SMOC2: variants seen among roughly 807,000 people sequenced by gnomAD.
SMOC2 encodes SPARC-related modular calcium-binding protein 2.
Under a neutral mutation model 61.4 loss-of-function variants are expected in SMOC2, and 39 were observed. That is an observed-to-expected ratio of 0.64 (90% confidence interval 0.49 to 0.83). The LOEUF (loss-of-function observed/expected upper bound fraction) is 0.83, where lower values mean the gene tolerates loss of function less well. SMOC2 is among the 40% of genes least tolerant of loss of function. SMOC2 has a pLI of 0.00. For synonymous variants in SMOC2, 247 were observed against 239.9 expected, an observed-to-expected ratio of 1.03 and a Z score of -0.27; for missense variants, 556 against 592.9, an observed-to-expected ratio of 0.94 and a Z score of 0.65.
intron 4 of SMOC2, among the ~76,000 whole-genome samples, chr6:168,531,624 C>T (rs1014700693): frequency 4.6e-5 from 7 of 152,146 alleles, no homozygotes; most frequent in Admixed American, 3.3e-4. Context: ...CTGGAGAGAG[C>T]GGGCTGGGCA....
chr6:168,646,039 T>A lies in SMOC2; in HGVS notation c.908-4642T>A, dbSNP rs1583184098. 2.0e-5 allele frequency among the ~76,000 whole-genome samples: 3 copies of A among 152,342 alleles called. No individual in the cohort carries two copies. The East Asian group carries it at 5.8e-4, about 29-fold the overall frequency. On this transcript the variant is annotated intron_variant, in intron 9 of 12. Transcript: ENST00000356284. ...TTGTCATCCATTCTTTTCTCCTCAT[T>A]TCTCATCTATACCAGTTTCCTAAAC... is the stretch of plus-strand genomic sequence containing the variant.
Position 168,655,403 on chromosome 6 carries a change from G to A in SMOC2, c.1285+2175G>A, listed in dbSNP as rs1463663101. The stretch of plus-strand genomic sequence containing the variant: ...CCTACCCAACCGTGACAGGAAGTAA[G>A]AGAAACCTGTGATGGCCAGAGCCCA... On this transcript the variant is annotated intron_variant, in intron 11 of 12. Coordinates refer to ENST00000356284, the MANE Select transcript of SMOC2 (RefSeq NM_001166412.2). The A allele has an allele frequency of 1.5e-5, 7 of 456,560 alleles. No individual in the cohort carries two copies. In the Admixed American group the frequency reaches 1.6e-4, roughly 11 times the overall value. 28.3% of individuals were successfully genotyped at this position (456,560 alleles called of 1,614,324 possible).
At chr6:168,502,422 C>T (rs1782751869) in intron 1 of SMOC2, among the ~76,000 whole-genome samples, 1 of 152,170 alleles carries the variant, frequency 6.6e-6, no homozygotes, top group Non-Finnish European at 1.5e-5. Context: ...GCCCGATGGC[C>T]CTCCATGCCC....
chr6:168,621,551 G>A (rs953734373), intron 9 of SMOC2, among the ~76,000 whole-genome samples: 2 of 152,188 alleles, frequency 1.3e-5, no homozygotes, highest in Admixed American at 1.3e-4. Flanking sequence ...CCAAGATGGG[G>A]TAATTTATAA....
chr6:168,524,855 G>A (rs1172578933), intron 2 of SMOC2, among the ~76,000 whole-genome samples: 1 of 152,254 alleles, frequency 6.6e-6, no homozygotes, highest in Non-Finnish European at 1.5e-5. Context: ...CGGTGGTTCT[G>A]CAAAAGCCAG....
chr6:168,604,415 T>C (rs578243991), intron 8 of SMOC2, among the ~76,000 whole-genome samples: 1 of 152,246 alleles, frequency 6.6e-6, no homozygotes, highest in South Asian at 2.1e-4. Flanking sequence ...AAATAATCAA[T>C]ATTAGGCAGT....
At position 168,526,832 on chromosome 6, in the gene SMOC2, C is replaced by T. The variant is rs112985959; in HGVS notation, c.363+380C>T. Among the ~76,000 whole-genome samples, 226 of 152,220 alleles carry T rather than the reference C, an allele frequency of 1.5e-3. 2 individuals are homozygous for T. The highest frequency in any genetic ancestry group is 0.01 in the Middle Eastern group (3 of 294). ...ATTATGGGGAGCACACACTAAAAGT[C>T]GTGTCTGTGCCAAGCGTGAGCTCCT... is the stretch of plus-strand genomic sequence containing the variant. On this transcript the variant is annotated intron_variant, in intron 3 of 12. Coordinates refer to ENST00000356284, the MANE Select transcript of SMOC2 (RefSeq NM_001166412.2).
At chr6:168,448,485 T>G (rs1562534559) in intron 1 of SMOC2, among the ~76,000 whole-genome samples, 1 of 102,964 alleles carries the variant, frequency 9.7e-6, no homozygotes, top group African/African-American at 3.8e-5. Flanking sequence ...AAGATGGGGA[T>G]GAGGAGGAGG....
intron 9 of SMOC2, among the ~76,000 whole-genome samples, chr6:168,639,062 A>T (rs950794758): frequency 2.0e-5 from 3 of 152,170 alleles, no homozygotes; most frequent in African/African-American, 7.2e-5. Context: ...AGACCATAGG[A>T]TTCCACAGGC....
chr6:168,456,104 G>C (rs1354474369), intron 1 of SMOC2, among the ~76,000 whole-genome samples: 1 of 152,244 alleles, frequency 6.6e-6, no homozygotes, highest in African/African-American at 2.4e-5. Flanking sequence ...TGCTGGGAAG[G>C]AGTCACTGCT....
intron 1 of SMOC2, among the ~76,000 whole-genome samples, chr6:168,442,378 C>T (rs1350300261): frequency 6.6e-6 from 1 of 152,258 alleles, no homozygotes; most frequent in African/African-American, 2.4e-5. Flanking sequence ...AGCCAAGCCC[C>T]CGCCGGCCAA....
chr6:168,558,442 ATTG>A (rs1286810532), intron 7 of SMOC2, among the ~76,000 whole-genome samples: 1 of 152,032 alleles, frequency 6.6e-6, no homozygotes, highest in Non-Finnish European at 1.5e-5. Context: ...CATCGAAGTT[ATTG>A]TTGCTGCTGC....
chr6:168,649,946 A>T (rs9346559), intron 9 of SMOC2, among the ~76,000 whole-genome samples: 47,769 of 152,030 alleles, frequency 0.31, 7,471 homozygotes, highest in East Asian at 0.43. Context: ...TTCAAATGTT[A>T]TCTTGAATTT....
At chr6:168,457,793 A>G (rs1328480836) in intron 1 of SMOC2, among the ~76,000 whole-genome samples, 1 of 152,120 alleles carries the variant, frequency 6.6e-6, no homozygotes, top group Non-Finnish European at 1.5e-5. Flanking sequence ...GAATTTTTCC[A>G]AGCCTGTTTT....
intron 4 of SMOC2, among the ~76,000 whole-genome samples, chr6:168,538,807 G>T (rs1024644021): frequency 6.7e-6 from 1 of 150,274 alleles, no homozygotes; most frequent in Non-Finnish European, 1.5e-5. Flanking sequence ...CTGGGGGAGT[G>T]GGGTGACCCC....
At chr6:168,477,523 G>A (rs1436610935) in intron 1 of SMOC2, among the ~76,000 whole-genome samples, 1 of 152,212 alleles carries the variant, frequency 6.6e-6, no homozygotes, top group Non-Finnish European at 1.5e-5. Context: ...GACAAGTACA[G>A]AGGAAAGTTC....
At chr6:168,605,023 A>G (rs564507024) in intron 8 of SMOC2, among the ~76,000 whole-genome samples, 1 of 152,272 alleles carries the variant, frequency 6.6e-6, no homozygotes, top group Non-Finnish European at 1.5e-5. Flanking sequence ...CATGAATGGT[A>G]GAGTCCAGGT....
chr6:168,486,264 A>G (rs1037343389), intron 1 of SMOC2, among the ~76,000 whole-genome samples: 1 of 152,136 alleles, frequency 6.6e-6, no homozygotes, highest in Non-Finnish European at 1.5e-5. Flanking sequence ...TGGAAAAGAA[A>G]ATGCTAGATG....
At chr6:168,586,214 T>G (rs780141978) in intron 7 of SMOC2, among the ~76,000 whole-genome samples, 3 of 152,240 alleles carry the variant, frequency 2.0e-5, no homozygotes, top group Non-Finnish European at 2.9e-5. Flanking sequence ...AGATATCTCA[T>G]TGTTGTAGAA....
Sources: gnomAD v4.1 joint callset for allele counts (sites outside exome capture counted in the v4.1 genomes callset) on GRCh38, gnomAD v4.1.1 for gene constraint, MANE v1.5 for transcripts, NCBI Gene and HGNC (gene_info 2026-07-23, HGNC 2026-07-21) for gene names.